SIRT5: variants seen among roughly 807,000 people sequenced by gnomAD.
The protein encoded by SIRT5 is sirtuin 5, also known as NAD-dependent protein deacylase sirtuin-5, mitochondrial.
SIRT5 carries 26 observed loss-of-function variants against 40.0 expected under a neutral mutation model. The ratio of observed to expected loss-of-function variants is 0.65; its 90% CI spans 0.48 to 0.90. SIRT5 has a LOEUF of 0.90. Ranked by LOEUF, SIRT5 falls within the 40% of genes least tolerant of loss-of-function variation. SIRT5 has a pLI of 0.00. For missense variants in SIRT5, 401 were observed against 402.4 expected (o/e 1.00, Z 0.03); for synonymous variants, 146 against 149.1 (o/e 0.98, Z 0.15).
intron 9 of SIRT5, among the ~76,000 whole-genome samples, chr6:13,611,236 TACACACACAC>T (rs70989875): frequency 3.6e-4 from 33 of 92,882 alleles, no homozygotes; most frequent in South Asian, 1.2e-3. Context: ...TATATATATA[TACACACACAC>T]ATACACACAC....
At chr6:13,595,745 G>C (rs1417784709) in intron 6 of SIRT5, among the ~76,000 whole-genome samples, 181 bp downstream of exon 6, 6 of 149,262 alleles carry the variant, frequency 4.0e-5, no homozygotes, top group Non-Finnish European at 8.8e-5. Flanking sequence ...TTACAAGGTG[G>C]GGAGACTGCT....
In SIRT5 at chr6:13,605,420, G is replaced by A. The variant is rs200326476; in HGVS notation, c.857+4471G>A. On this transcript the variant is annotated intron_variant, in intron 9 of 9. Coordinates refer to ENST00000606117, the MANE Select transcript of SIRT5 (RefSeq NM_012241.5). Reference sequence around the variant, plus strand: ...CTAGGTTACGGAGAAAAAAAAAATGGAATAATGTTCTCTGCTACTTTTAAC... The same window carrying A: ...CTAGGTTACGGAGAAAAAAAAAATGAAATAATGTTCTCTGCTACTTTTAAC... 95 of 985,368 alleles carry A rather than the reference G, an allele frequency of 9.6e-5. 1 individual carries two copies. In the African/African-American group the frequency reaches 1.6e-3, roughly 16 times the overall value. 61.0% of individuals were successfully genotyped at this position (985,368 alleles called of 1,614,324 possible). A position where few individuals can be genotyped will look rare whatever the true frequency, so the allele number is the denominator to read the frequency against.
chr6:13,583,289 C>CTTTTTTTTTTTT (rs765557886), intron 2 of SIRT5, among the ~76,000 whole-genome samples: 3 of 100,536 alleles, frequency 3.0e-5, no homozygotes, highest in African/African-American at 1.2e-4. Context: ...CTTCTTTGTT[C>CTTTTTTTTTTTT]TTTTTTTTTT....
In SIRT5 at chr6:13,604,933, T is replaced by G. The variant is rs1345792378; in HGVS notation, c.857+3984T>G. 5 of 994,326 alleles carry G rather than the reference T, an allele frequency of 5.0e-6. No individual in the cohort carries two copies. The African/African-American group carries it at 8.7e-5, about 17-fold the overall frequency. 61.6% of individuals were successfully genotyped at this position (994,326 alleles called of 1,614,324 possible). ...TATCAACCAGACTGACCACAAGAAC[T>G]GTCATCTCATCAATGAAGGAGTAAC... On this transcript the variant is annotated intron_variant, in intron 9 of 9. Transcript: ENST00000606117.
chr6:13,604,609 T>C, intron 9 of SIRT5: 1 of 1,506,708 alleles, frequency 6.6e-7, no homozygotes, highest in South Asian at 1.3e-5. Context: ...AAGTTTAGAG[T>C]TGGCCCCCAC....
At chr6:13,597,433 TAAAAAA>T (rs60503838) in intron 7 of SIRT5, among the ~76,000 whole-genome samples, 1 of 102,396 alleles carries the variant, frequency 9.8e-6, no homozygotes, top group Non-Finnish European at 2.1e-5. Context: ...GTTCATAGAT[TAAAAAA>T]AAAAAAAAAA....
At chr6:13,608,156 T>C (rs1263037761) in intron 9 of SIRT5, among the ~76,000 whole-genome samples, 1 of 152,260 alleles carries the variant, frequency 6.6e-6, no homozygotes, top group Non-Finnish European at 1.5e-5. Context: ...CATACCACCA[T>C]CCATTTACAA....
At chr6:13,579,130 C>T (rs1399341579) in intron 1 of SIRT5, among the ~76,000 whole-genome samples, 1 of 152,182 alleles carries the variant, frequency 6.6e-6, no homozygotes, top group African/African-American at 2.4e-5. Context: ...AGAACCACTG[C>T]CTGCCCTGAC....
chr6:13,606,435 C>G (rs1239558843), intron 9 of SIRT5, among the ~76,000 whole-genome samples: 1 of 152,056 alleles, frequency 6.6e-6, no homozygotes, highest in African/African-American at 2.4e-5. Flanking sequence ...AGTTACCTAT[C>G]TAGGGTGTGA....
At position 13,591,837 on chromosome 6, in the gene SIRT5, C is replaced by T; in HGVS notation, c.418C>T (p.Gln140Ter). Residue 140 changes from glutamine to a stop codon, truncating the protein, a stop_gained, in exon 5 of 10, where the codon CAG becomes TAG. Coordinates refer to ENST00000606117, the MANE Select transcript of SIRT5 (RefSeq NM_012241.5). LOFTEE classifies it high-confidence loss of function. ...KQGRRVVVIT[Q>*]NIDELHRKAG... ...GGGCCGGCGAGTCGTGGTCATCACCCAGAACATCGATGAGCTGCACCGCAA... is the reference window on the plus strand; with the variant it reads ...GGGCCGGCGAGTCGTGGTCATCACCTAGAACATCGATGAGCTGCACCGCAA... The T allele has an allele frequency of 6.2e-7, 1 of 1,614,162 alleles. No homozygotes were observed. The highest frequency in any genetic ancestry group is 1.1e-5 in the South Asian group (1 of 91,086).
Position 13,600,778 on chromosome 6 carries a change from T to C in SIRT5, c.742-56T>C, listed in dbSNP as rs1762270673. 4 of 1,359,934 alleles carry C rather than the reference T, an allele frequency of 2.9e-6. No homozygotes were observed. In the East Asian group the frequency reaches 7.4e-5, roughly 25 times the overall value. 84.2% of individuals were successfully genotyped at this position (1,359,934 alleles called of 1,614,324 possible). On this transcript the variant is annotated intron_variant, in intron 8 of 9. Coordinates refer to ENST00000606117, the MANE Select transcript of SIRT5 (RefSeq NM_012241.5). Reference sequence around the variant, plus strand: ...GTTTGTGTAAGGTTTTCTGAAATAATGTTCCTTCTCCTTGTCGTCTGGCTG... The same window carrying C: ...GTTTGTGTAAGGTTTTCTGAAATAACGTTCCTTCTCCTTGTCGTCTGGCTG...
chr6:13,590,088 G>GT (rs1760639855), intron 4 of SIRT5, among the ~76,000 whole-genome samples: 2 of 152,162 alleles, frequency 1.3e-5, no homozygotes, highest in African/African-American at 4.8e-5. Flanking sequence ...TGTAGGAAGT[G>GT]TCTCCTTGAT....
chr6:13,605,726 T>C (rs1384564997), intron 9 of SIRT5: 14 of 985,460 alleles, frequency 1.4e-5, no homozygotes, highest in Non-Finnish European at 1.7e-5. Context: ...ACCCTAGGCA[T>C]TTTTGAATTT....
At position 13,579,540 on chromosome 6, in the gene SIRT5, CT is replaced by C. The variant is rs1369327197; in HGVS notation, c.-104del. The C allele has an allele frequency of 1.3e-5, 2 of 152,160 alleles. No homozygotes were observed. Among genetic ancestry groups the C allele is most frequent in the African/African-American group, 4.8e-5 (2 of 41,432 alleles). The allele number at this position is 152,160 out of a possible 1,614,324, so 9.4% of individuals were successfully genotyped here. A position where few individuals can be genotyped will look rare whatever the true frequency, so the allele number is the denominator to read the frequency against. ...TTAGAAGTCTGTATTATATTGATGT[CT>C]CCAGATTCAAATATATTAGAAAGCA... On this transcript the variant is annotated 5_prime_UTR_variant, in exon 2 of 10. The change creates a premature stop within an existing upstream ORF in the 5' untranslated region. Transcript: ENST00000606117.
At chr6:13,578,715 T>C (rs1292239541) in intron 1 of SIRT5, among the ~76,000 whole-genome samples, 1 of 152,096 alleles carries the variant, frequency 6.6e-6, no homozygotes, top group Non-Finnish European at 1.5e-5. Context: ...GTTCTGAGTT[T>C]TCTGTAAATT....
At chr6:13,604,123 G>A (rs1762780175) in intron 9 of SIRT5, among the ~76,000 whole-genome samples, 1 of 152,194 alleles carries the variant, frequency 6.6e-6, no homozygotes, top group South Asian at 2.1e-4. Flanking sequence ...TGTGGTGATG[G>A]TTGTATAATT....
Position 13,580,301 on chromosome 6 carries a change from T to C in SIRT5, c.-36+692T>C, listed in dbSNP as rs1476400517. ...ATTGAAAACGTGTTGACTTGCTTGC[T>C]TATTTGTAGGTGAGGTTTATCATAT... On this transcript the variant is annotated intron_variant, in intron 2 of 9. Transcript: ENST00000606117. Among the ~76,000 whole-genome samples, 3 of 152,216 alleles carry C rather than the reference T, an allele frequency of 2.0e-5. No individual in the cohort carries two copies. In the East Asian group the frequency reaches 5.8e-4, roughly 29 times the overall value.
chr6:13,577,750 T>A (rs1758809996), intron 1 of SIRT5, among the ~76,000 whole-genome samples: 3 of 149,228 alleles, frequency 2.0e-5, no homozygotes, highest in Admixed American at 1.3e-4. Context: ...TATATATAGA[T>A]CTTATATATA....
rs751655170 is a variant in SIRT5 at position 13,595,477 on chromosome 6, G to A, written c.476G>A (p.Gly159Asp). The A allele has an allele frequency of 3.7e-6, 6 of 1,612,664 alleles. 1 individual carries two copies. The South Asian group carries it at 6.6e-5, about 18-fold the overall frequency. Residue 159 changes from glycine to aspartate, a missense_variant and splice_region_variant, in exon 6 of 10, where the codon GGT becomes GAT. Transcript: ENST00000606117. ...GATTTGCTTCATATGTATTTTTCAG[G>A]TAGCTTATTTAAAACTCGATGTACC... Reference protein sequence around the residue: ...AGTKNLLEIHGSLFKTRCTSC... With the variant: ...AGTKNLLEIHDSLFKTRCTSC...
Sources: allele counts gnomAD v4.1 joint callset (sites outside exome capture counted in the v4.1 genomes callset), GRCh38; gene constraint gnomAD v4.1.1; transcripts MANE v1.5; gene names NCBI Gene and HGNC (gene_info 2026-07-23, HGNC 2026-07-21).